The following PLXNA4 variants were observed in gnomAD, a reference collection of about 807,000 sequenced individuals.
PLXNA4 encodes the protein plexin-A4.
A neutral mutation model predicts 191.8 loss-of-function variants in PLXNA4; 44 were observed. The observed-to-expected ratio is 0.23, with a 90% CI of 0.18 to 0.29. PLXNA4 has a LOEUF of 0.29. PLXNA4 is among the 10% of genes least tolerant of loss of function. The pLI is 1.00. For synonymous variants in PLXNA4, 1,082 were observed against 1,009.5 expected (o/e 1.07, Z -1.36); for missense variants, 1,800 against 2,488.8 (o/e 0.72, Z 5.89).
At chr7:132,282,125 GT>G (rs1800499749) in intron 4 of PLXNA4, among the ~76,000 whole-genome samples, 1 of 152,154 alleles carries the variant, frequency 6.6e-6, no homozygotes, top group Non-Finnish European at 1.5e-5. Context: ...TTAAACACAA[GT>G]AAAACCAGAT....
chr7:132,547,471 TG>T, intron 1 of PLXNA4, among the ~76,000 whole-genome samples: 1 of 152,320 alleles, frequency 6.6e-6, no homozygotes, highest in South Asian at 2.1e-4. Flanking sequence ...CATGCCAATG[TG>T]GTTGCACCCA....
intron 1 of PLXNA4, among the ~76,000 whole-genome samples, chr7:132,533,281 T>G (rs1799697700): frequency 1.3e-5 from 2 of 152,190 alleles, no homozygotes; most frequent in African/African-American, 4.8e-5. Context: ...TGTTTTACCT[T>G]AAATTGCTTC....
chr7:132,531,053 G>A (rs1219958407), intron 1 of PLXNA4, among the ~76,000 whole-genome samples: 5 of 152,302 alleles, frequency 3.3e-5, no homozygotes, highest in Middle Eastern at 3.4e-3. Context: ...GTAGAACAGC[G>A]GTTACCCAGA....
intron 3 of PLXNA4, among the ~76,000 whole-genome samples, chr7:132,334,248 C>CTTTTTTTTTTTTT (rs1389956728): frequency 1.0e-5 from 1 of 99,746 alleles, no homozygotes; most frequent in African/African-American, 4.1e-5. Context: ...TTCTTTCTTT[C>CTTTTTTTTTTTTT]TTTCTTTTTT....
chr7:132,534,816 AG>A lies in PLXNA4; in HGVS notation c.-86-26038del, dbSNP rs1476512645. On this transcript the variant is annotated intron_variant, in intron 1 of 31. Transcript: ENST00000321063. ...GCGTGTTGAGGGGCATGGATCTTAC[AG>A]GTGCCTGAGAGCAGATGGCACCATG... is the stretch of plus-strand genomic sequence containing the variant. Among the ~76,000 whole-genome samples, 5 of 152,340 alleles carry A rather than the reference AG, an allele frequency of 3.3e-5. No individual in the cohort carries two copies. The East Asian group carries it at 9.6e-4, about 29-fold the overall frequency.
chr7:132,490,135 C>G (rs953024124), intron 2 of PLXNA4, among the ~76,000 whole-genome samples: 1 of 152,214 alleles, frequency 6.6e-6, no homozygotes, highest in Non-Finnish European at 1.5e-5. Flanking sequence ...TTATGAGCTC[C>G]GACCTCAGGC....
intron 25 of PLXNA4, among the ~76,000 whole-genome samples, chr7:132,155,154 G>A (rs1795755438): frequency 6.6e-6 from 1 of 152,350 alleles, no homozygotes; most frequent in Non-Finnish European, 1.5e-5. Flanking sequence ...TATTGATAGA[G>A]CATTTGCATT....
chr7:132,458,972 C>T (rs995092543), intron 3 of PLXNA4, among the ~76,000 whole-genome samples: 2 of 152,180 alleles, frequency 1.3e-5, no homozygotes, highest in Admixed American at 6.5e-5. Flanking sequence ...ATGTGCAAAG[C>T]CCTCATTTTC....
At chr7:132,643,052 G>A (rs1803779279) in intron 2 of PLXNA4, among the ~76,000 whole-genome samples, 1 of 152,124 alleles carries the variant, frequency 6.6e-6, no homozygotes, top group Non-Finnish European at 1.5e-5. Flanking sequence ...GTGGGAGGGA[G>A]AATTTCAATG....
At chr7:132,541,035 T>G (rs1378803418) in intron 1 of PLXNA4, among the ~76,000 whole-genome samples, 2 of 152,170 alleles carry the variant, frequency 1.3e-5, no homozygotes, top group Non-Finnish European at 2.9e-5. Flanking sequence ...ATCAGTAGAA[T>G]CAATAAAGAT....
At chr7:132,383,302 A>G (rs1239944890) in intron 3 of PLXNA4, among the ~76,000 whole-genome samples, 1 of 152,194 alleles carries the variant, frequency 6.6e-6, no homozygotes, top group African/African-American at 2.4e-5. Context: ...TGGATATTTC[A>G]AAGCATCTTC....
intron 2 of PLXNA4, among the ~76,000 whole-genome samples, chr7:132,495,479 C>T (rs1261715582): frequency 6.6e-6 from 1 of 152,168 alleles, no homozygotes; most frequent in African/African-American, 2.4e-5. Flanking sequence ...ATGTGCCATG[C>T]AGCCAACTCC....
intron 3 of PLXNA4, among the ~76,000 whole-genome samples, chr7:132,446,034 G>A (rs1403515547): frequency 6.6e-6 from 1 of 152,182 alleles, no homozygotes; most frequent in African/African-American, 2.4e-5. Flanking sequence ...ACAAGCCCAG[G>A]AGCCCCGATG....
intron 3 of PLXNA4, among the ~76,000 whole-genome samples, chr7:132,351,293 A>G (rs1314355038): frequency 1.3e-5 from 2 of 152,236 alleles, no homozygotes; most frequent in African/African-American, 4.8e-5. Context: ...AAATAGGTGA[A>G]TTATACCAAA....
intron 2 of PLXNA4, 68 bp downstream of exon 2, chr7:132,507,438 G>A: frequency 1.3e-6 from 2 of 1,494,810 alleles, no homozygotes; most frequent in African/African-American, 1.4e-5. Context: ...CATCCCATGG[G>A]GGCTACAGGC....
intron 3 of PLXNA4, among the ~76,000 whole-genome samples, chr7:132,423,334 C>T (rs534905390): frequency 2.0e-4 from 31 of 152,306 alleles, no homozygotes; most frequent in South Asian, 8.3e-4. Flanking sequence ...AGTGAAGGGA[C>T]GCTCCCAAGT....
At chr7:132,148,900 C>T (rs1795512982) in intron 25 of PLXNA4, among the ~76,000 whole-genome samples, 1 of 152,194 alleles carries the variant, frequency 6.6e-6, no homozygotes. Context: ...TGCCCATCTG[C>T]TTGCTGTGAA....
rs374483138 is a variant in PLXNA4 at position 132,140,733 on chromosome 7, G to A, written c.5304C>T (p.Asp1768=). ...TCTGAGCCACCACAGAGAGGCAGGC[G>A]TCTGTGATGCTGTTCTTATGGATGT... is the stretch of plus-strand genomic sequence containing the variant. The part of the protein sequence containing the change: ...VFDIHKNSIT[D]ACLSVVAQTF... Residue 1768 remains aspartate (D), a synonymous_variant, in exon 30 of 32, where the codon GAC becomes GAT. Transcript: ENST00000321063. The A allele has an allele frequency of 2.6e-4, 416 of 1,614,078 alleles. 2 individuals carry two copies. In the African/African-American group the frequency reaches 4.1e-3, roughly 16 times the overall value.
intron 3 of PLXNA4, among the ~76,000 whole-genome samples, chr7:132,468,154 G>T (rs1252555091): frequency 6.6e-6 from 1 of 152,092 alleles, no homozygotes; most frequent in Non-Finnish European, 1.5e-5. Flanking sequence ...TATCAACTGG[G>T]CCTAAGATAA....
Sources: allele counts gnomAD v4.1 joint callset (sites outside exome capture counted in the v4.1 genomes callset), GRCh38; gene constraint gnomAD v4.1.1; transcripts MANE v1.5; gene names NCBI Gene and HGNC (gene_info 2026-07-23, HGNC 2026-07-21).